Variants in SLC24A2 observed in about 807,000 individuals in gnomAD.
SLC24A2 encodes the protein solute carrier family 24 member 2, also known as sodium/potassium/calcium exchanger 2.
Under a neutral mutation model 62.0 loss-of-function variants are expected in SLC24A2, and 36 were observed. That is an observed-to-expected ratio of 0.58 (90% confidence interval 0.44 to 0.77). The LOEUF (loss-of-function observed/expected upper bound fraction) is 0.77, where lower values mean the gene tolerates loss of function less well. Among genes scored for constraint, SLC24A2 ranks in the 30% least tolerant of loss-of-function variants. SLC24A2 has a pLI of 0.00. For synonymous variants in SLC24A2, 358 were observed against 294.0 expected (o/e 1.22, Z -2.23); for missense variants, 846 against 817.9 (o/e 1.03, Z -0.42).
intron 5 of SLC24A2, among the ~76,000 whole-genome samples, chr9:19,588,178 C>CTTT (rs3085622): frequency 8.2e-6 from 1 of 121,698 alleles, no homozygotes; most frequent in Non-Finnish European, 1.8e-5. Context: ...TTCTTTTTTT[C>CTTT]TTTTTTTTTT....
At chr9:19,718,802 T>A (rs925199847) in intron 2 of SLC24A2, among the ~76,000 whole-genome samples, 1 of 152,192 alleles carries the variant, frequency 6.6e-6, no homozygotes, top group Non-Finnish European at 1.5e-5. Context: ...AGATGACCCA[T>A]TTTCAGTCCT....
At chr9:19,550,384 G>A (rs540092115) in intron 7 of SLC24A2, 116 bp from the exon 8 acceptor site, 18 of 1,000,038 alleles carry the variant, frequency 1.8e-5, no homozygotes, top group Middle Eastern at 2.1e-4. Flanking sequence ...TTCTGGACTC[G>A]TTCCAGTAGC....
chr9:20,239,573 T>C, the SLC24A2 span, among the ~76,000 whole-genome samples: 1 of 152,182 alleles, frequency 6.6e-6, no homozygotes, highest in African/African-American at 2.4e-5. Context: ...AGGGCTGCTC[T>C]TGCCCAGGTC....
the SLC24A2 span, among the ~76,000 whole-genome samples, chr9:19,876,289 T>C: frequency 2.0e-5 from 3 of 152,122 alleles, no homozygotes; most frequent in Non-Finnish European, 4.4e-5. Context: ...CAGTATCCCA[T>C]GCCATCTCAC....
At chr9:20,136,756 G>A in the SLC24A2 span, among the ~76,000 whole-genome samples, 4 of 152,088 alleles carry the variant, frequency 2.6e-5, no homozygotes, top group Admixed American at 2.6e-4. Context: ...GTGAAACAGA[G>A]CATCCCCTAA....
At chr9:19,877,982 G>T in the SLC24A2 span, among the ~76,000 whole-genome samples, 3 of 152,014 alleles carry the variant, frequency 2.0e-5, no homozygotes, top group Non-Finnish European at 4.4e-5. Flanking sequence ...ATGAGGCTTG[G>T]GGGTAACACC....
intron 5 of SLC24A2, among the ~76,000 whole-genome samples, chr9:19,583,894 G>A (rs1286297750): frequency 6.6e-6 from 1 of 152,114 alleles, no homozygotes; most frequent in Non-Finnish European, 1.5e-5. Flanking sequence ...CTGGGCCTTG[G>A]CTCCTCATTT....
At chr9:19,784,716 C>T (rs577918598) in intron 2 of SLC24A2, among the ~76,000 whole-genome samples, 1 of 152,158 alleles carries the variant, frequency 6.6e-6, no homozygotes, top group African/African-American at 2.4e-5. Flanking sequence ...GCTTGTTTGC[C>T]GTATATTTTG....
chr9:19,570,573 C>A (rs1835809190), intron 7 of SLC24A2, among the ~76,000 whole-genome samples: 1 of 152,192 alleles, frequency 6.6e-6, no homozygotes, highest in African/African-American at 2.4e-5. Flanking sequence ...ACTTTACATA[C>A]AATGAGCTCT....
At chr9:20,134,309 TTTG>T in the SLC24A2 span, among the ~76,000 whole-genome samples, 3 of 152,176 alleles carry the variant, frequency 2.0e-5, no homozygotes, top group Non-Finnish European at 4.4e-5. Context: ...GTTAAGGATT[TTTG>T]TTGTTGTCAT....
At chr9:20,058,492 T>TACACACACACACACACACAC in the SLC24A2 span, among the ~76,000 whole-genome samples, 471 of 147,878 alleles carry the variant, frequency 3.2e-3, 8 homozygotes, top group African/African-American at 0.011. Context: ...ATGCCCTTCA[T>TACACACACACACACACACAC]ACACACACAC....
At chr9:19,944,925 A>C in the SLC24A2 span, among the ~76,000 whole-genome samples, 5 of 152,176 alleles carry the variant, frequency 3.3e-5, no homozygotes, top group African/African-American at 1.2e-4. Context: ...AAGGTGCCTA[A>C]CTTCTGTTTG....
the SLC24A2 span, among the ~76,000 whole-genome samples, chr9:20,099,556 A>G: frequency 6.6e-6 from 1 of 152,216 alleles, no homozygotes; most frequent in Non-Finnish European, 1.5e-5. Flanking sequence ...AGTAGGTTCC[A>G]GGAGGATAAA....
At chr9:20,190,837 G>C in the SLC24A2 span, among the ~76,000 whole-genome samples, 1 of 152,152 alleles carries the variant, frequency 6.6e-6, no homozygotes, top group South Asian at 2.1e-4. Flanking sequence ...TCTTTAAAAA[G>C]GGATGACAAA....
At chr9:19,539,523 G>A (rs1489641486) in intron 8 of SLC24A2, among the ~76,000 whole-genome samples, 4 of 141,600 alleles carry the variant, frequency 2.8e-5, no homozygotes, top group African/African-American at 1.1e-4. Flanking sequence ...CTTTGAGTGA[G>A]ATTCTTAATC....
intron 2 of SLC24A2, among the ~76,000 whole-genome samples, chr9:19,770,035 A>G (rs911337626): frequency 2.6e-5 from 4 of 151,338 alleles, no homozygotes; most frequent in African/African-American, 9.7e-5. Flanking sequence ...CCAGGCTCAT[A>G]AAGAAATTAG....
the SLC24A2 span, among the ~76,000 whole-genome samples, chr9:20,203,852 T>C: frequency 2.6e-5 from 4 of 152,214 alleles, no homozygotes; most frequent in African/African-American, 9.7e-5. Context: ...GGTATATGCA[T>C]ATCAGCAGAC....
chr9:20,264,449 C>T, the SLC24A2 span, among the ~76,000 whole-genome samples: 1 of 152,174 alleles, frequency 6.6e-6, no homozygotes, highest in Non-Finnish European at 1.5e-5. Flanking sequence ...TCCAAAGATT[C>T]TCCTTAAGAA....
chr9:20,244,708 A>T, the SLC24A2 span, among the ~76,000 whole-genome samples: 96 of 152,346 alleles, frequency 6.3e-4, 1 homozygote, highest in African/African-American at 2.3e-3. Context: ...TTTCAAGCAA[A>T]AAGGGAAATT....
Sources: gnomAD v4.1 joint callset for allele counts (sites outside exome capture counted in the v4.1 genomes callset) on GRCh38, gnomAD v4.1.1 for gene constraint, MANE v1.5 for transcripts, NCBI Gene and HGNC (gene_info 2026-07-23, HGNC 2026-07-21) for gene names.